PCDH9: variants seen among roughly 807,000 people sequenced by gnomAD.
The protein encoded by PCDH9 is protocadherin-9.
PCDH9 carries 24 observed loss-of-function variants against 70.6 expected under a neutral mutation model. The observed-to-expected ratio is 0.34, with a 90% confidence interval of 0.25 to 0.48. PCDH9 has a LOEUF of 0.48. PCDH9 is among the 20% of genes least tolerant of loss of function. PCDH9 has a pLI of 0.99. For synonymous variants in PCDH9, 562 were observed against 558.5 expected (o/e 1.01, Z -0.09); for missense variants, 1,281 against 1,503.6 (o/e 0.85, Z 2.45).
chr13:66,674,171 T>C (rs1404396315), intron 3 of PCDH9, among the ~76,000 whole-genome samples: 1 of 152,086 alleles, frequency 6.6e-6, no homozygotes, highest in African/African-American at 2.4e-5. Flanking sequence ...ATAATACAGA[T>C]AATATAACAT....
chr13:66,712,468 C>A (rs1166098705), intron 3 of PCDH9, among the ~76,000 whole-genome samples: 3 of 151,608 alleles, frequency 2.0e-5, no homozygotes, highest in Admixed American at 2.0e-4. Context: ...AAGAATTATT[C>A]CTTTAAATAC....
At chr13:66,365,449 T>C (rs1385336528) in intron 4 of PCDH9, among the ~76,000 whole-genome samples, 1 of 152,190 alleles carries the variant, frequency 6.6e-6, no homozygotes, top group Non-Finnish European at 1.5e-5. Context: ...CTAGTAGCTG[T>C]GAAAAATATG....
chr13:66,489,216 T>A (rs535781893), intron 4 of PCDH9, among the ~76,000 whole-genome samples: 2 of 152,192 alleles, frequency 1.3e-5, no homozygotes, highest in South Asian at 4.1e-4. Context: ...ATGTTGTATA[T>A]CACATATCAC....
chr13:66,825,582 G>A (rs969601900), intron 3 of PCDH9, among the ~76,000 whole-genome samples: 64 of 151,826 alleles, frequency 4.2e-4, no homozygotes, highest in African/African-American at 1.3e-3. Flanking sequence ...TGATCCGCCC[G>A]TCTCGGCCTC....
intron 4 of PCDH9, among the ~76,000 whole-genome samples, chr13:66,347,832 TA>T (rs1231597083): frequency 6.6e-6 from 1 of 152,176 alleles, no homozygotes; most frequent in East Asian, 1.9e-4. Flanking sequence ...AGCTGCGAGC[TA>T]TTGCTGGAAC....
chr13:67,026,900 C>G (rs2139873909), intron 2 of PCDH9, among the ~76,000 whole-genome samples: 1 of 152,144 alleles, frequency 6.6e-6, no homozygotes, highest in African/African-American at 2.4e-5. Flanking sequence ...AACCACTGAT[C>G]AATGAAATAA....
intron 2 of PCDH9, among the ~76,000 whole-genome samples, chr13:67,116,965 T>C: frequency 6.6e-6 from 1 of 152,152 alleles, no homozygotes. Context: ...CACGACTTTA[T>C]ATAATCAAAC....
intron 3 of PCDH9, among the ~76,000 whole-genome samples, chr13:66,641,572 G>C (rs1157640933): frequency 6.6e-6 from 1 of 152,144 alleles, no homozygotes; most frequent in East Asian, 1.9e-4. Flanking sequence ...ACATGTATTT[G>C]AGAAATGTTT....
At chr13:67,181,771 A>C (rs981733655) in intron 2 of PCDH9, among the ~76,000 whole-genome samples, 1 of 152,204 alleles carries the variant, frequency 6.6e-6, no homozygotes, top group African/African-American at 2.4e-5. Context: ...ATAAAAAAAA[A>C]CACCACTACA....
chr13:66,509,401 A>G (rs1159367387), intron 4 of PCDH9, among the ~76,000 whole-genome samples: 1 of 152,140 alleles, frequency 6.6e-6, no homozygotes, highest in Admixed American at 6.5e-5. Flanking sequence ...ATGGGTGGCA[A>G]TTAGCAAATA....
At chr13:67,149,602 A>T (rs1193762860) in intron 2 of PCDH9, among the ~76,000 whole-genome samples, 1 of 152,162 alleles carries the variant, frequency 6.6e-6, no homozygotes, top group Non-Finnish European at 1.5e-5. Flanking sequence ...GCTAATGGTC[A>T]CGAATTTTTA....
intron 4 of PCDH9, among the ~76,000 whole-genome samples, chr13:66,504,995 T>G (rs887278896): frequency 7.9e-5 from 12 of 152,172 alleles, no homozygotes; most frequent in African/African-American, 2.9e-4. Flanking sequence ...AGAAATTCAC[T>G]GCTACACATC....
chr13:66,621,796 C>G (rs1166525981), intron 4 of PCDH9, among the ~76,000 whole-genome samples: 2 of 152,270 alleles, frequency 1.3e-5, no homozygotes, highest in African/African-American at 4.8e-5. Flanking sequence ...GCAGTCCTCA[C>G]AGCCCTGGCT....
intron 3 of PCDH9, among the ~76,000 whole-genome samples, chr13:66,887,059 AC>A: frequency 6.6e-6 from 1 of 151,398 alleles, no homozygotes; most frequent in Admixed American, 6.6e-5. Context: ...ACACACACAC[AC>A]ACACACACAC....
At chr13:67,097,270 A>T (rs1038397222) in intron 2 of PCDH9, among the ~76,000 whole-genome samples, 1 of 152,112 alleles carries the variant, frequency 6.6e-6, no homozygotes, top group African/African-American at 2.4e-5. Context: ...AAAAAGCAAA[A>T]AATTCAAAAT....
chr13:66,659,821 A>C (rs9540861), intron 3 of PCDH9, among the ~76,000 whole-genome samples: 15,454 of 151,918 alleles, frequency 0.1, 799 homozygotes, highest in Middle Eastern at 0.12. Context: ...TGTGTGTTTT[A>C]GCTTATTTTT....
intron 2 of PCDH9, among the ~76,000 whole-genome samples, chr13:66,973,239 C>T (rs561597343): frequency 6.6e-6 from 1 of 151,958 alleles, no homozygotes; most frequent in South Asian, 2.1e-4. Context: ...TCTCCTAATT[C>T]CCACCAGCCA....
chr13:66,773,372 T>C (rs1029029655), intron 3 of PCDH9, among the ~76,000 whole-genome samples: 15 of 152,136 alleles, frequency 9.9e-5, no homozygotes, highest in African/African-American at 3.6e-4. Context: ...CTCACGCCTG[T>C]AATCCCAGTA....
intron 4 of PCDH9, among the ~76,000 whole-genome samples, chr13:66,328,617 G>A (rs1955887144): frequency 6.6e-6 from 1 of 152,158 alleles, no homozygotes; most frequent in Non-Finnish European, 1.5e-5. Context: ...CTTAAGGGCA[G>A]TGGAGTGGTT....
Sources: allele counts gnomAD v4.1 joint callset (sites outside exome capture counted in the v4.1 genomes callset), GRCh38; gene constraint gnomAD v4.1.1; transcripts MANE v1.5; gene names NCBI Gene and HGNC (gene_info 2026-07-23, HGNC 2026-07-21).